Variants in CACNB4 observed in about 807,000 individuals in gnomAD.
CACNB4 encodes the protein calcium voltage-gated channel auxiliary subunit beta 4.
In CACNB4, 32 loss-of-function variants were observed where a neutral mutation model predicts 71.2. The ratio of observed to expected loss-of-function variants is 0.45; its 90% CI spans 0.34 to 0.60. The LOEUF is 0.60. Among genes scored for constraint, CACNB4 ranks in the 20% least tolerant of loss-of-function variants. The probability of loss-of-function intolerance (pLI) is 0.01; values close to 1 mark genes in which losing one functional copy is unlikely to be tolerated. For missense variants in CACNB4, 464 were observed against 647.9 expected, an observed-to-expected ratio of 0.72 and a Z score of 3.08; for synonymous variants, 231 against 236.9, an observed-to-expected ratio of 0.97 and a Z score of 0.23.
intron 2 of CACNB4, among the ~76,000 whole-genome samples, chr2:152,021,494 A>G (rs1275982432): frequency 6.6e-6 from 1 of 152,218 alleles, no homozygotes; most frequent in East Asian, 1.9e-4. Flanking sequence ...ATCTCTTAAC[A>G]TTTGATTTGC....
At chr2:151,927,833 G>C (rs779784909) in intron 2 of CACNB4, among the ~76,000 whole-genome samples, 11 of 152,244 alleles carry the variant, frequency 7.2e-5, no homozygotes, top group Non-Finnish European at 1.2e-4. Context: ...AAAATAAAAA[G>C]CTCTGGCACA....
chr2:151,934,604 C>T (rs948563290), intron 2 of CACNB4, among the ~76,000 whole-genome samples: 1 of 152,072 alleles, frequency 6.6e-6, no homozygotes, highest in Admixed American at 6.5e-5. Context: ...TTTGGGAGGC[C>T]GAGGTGGGCG....
At chr2:151,989,115 G>A (rs1239345483) in intron 2 of CACNB4, among the ~76,000 whole-genome samples, 1 of 152,148 alleles carries the variant, frequency 6.6e-6, no homozygotes, top group Non-Finnish European at 1.5e-5. Flanking sequence ...ACCTGTGTTT[G>A]GAATCCCAAT....
chr2:152,098,283 C>A lies in CACNB4; in HGVS notation c.147+47G>T, dbSNP rs1416862182. 1 of 1,496,664 alleles carries A rather than the reference C, an allele frequency of 6.7e-7. No individual in the cohort carries two copies. Among genetic ancestry groups the A allele is most frequent in the Non-Finnish European group, 9.3e-7 (1 of 1,074,242 alleles). 92.7% of individuals were successfully genotyped at this position (1,496,664 alleles called of 1,614,324 possible). On this transcript the variant is annotated intron_variant, in intron 2 of 13. Transcript: ENST00000539935. The surrounding 1 kb of genome is among the most constrained non-coding windows in gnomAD (Gnocchi z 5.3). ...GGCCGGCTCCAGGACCCCCGCGCCG[C>A]GCGCTCGGCCTCCTCCCCATCCTGG...
chr2:152,029,276 C>T lies in CACNB4; in HGVS notation c.147+69054G>A, dbSNP rs569032514. Among the ~76,000 whole-genome samples, 37 of 151,812 alleles carry T rather than the reference C, an allele frequency of 2.4e-4. No homozygotes were observed. The East Asian group carries it at 6.2e-3, about 26-fold the overall frequency. On this transcript the variant is annotated intron_variant, in intron 2 of 13. Coordinates refer to ENST00000539935, the MANE Select transcript of CACNB4 (RefSeq NM_000726.5). The stretch of plus-strand genomic sequence containing the variant: ...TTGGGAGGCTGAGGTGGGCGGATCA[C>T]GAGGTCAGGAGTTCGAGACCAGCCT...
chr2:151,888,103 T>A (rs1371003910), intron 2 of CACNB4, among the ~76,000 whole-genome samples: 3 of 152,240 alleles, frequency 2.0e-5, no homozygotes, highest in African/African-American at 7.2e-5. Context: ...ACCTTGTGCC[T>A]ATTTGCAGCC....
intron 2 of CACNB4, among the ~76,000 whole-genome samples, chr2:151,927,693 T>G (rs1443366537): frequency 6.6e-6 from 1 of 152,250 alleles, no homozygotes; most frequent in Non-Finnish European, 1.5e-5. Context: ...AATTGCGTGC[T>G]TCACCCAAGT....
At chr2:152,007,312 T>C (rs1682786117) in intron 2 of CACNB4, among the ~76,000 whole-genome samples, 1 of 152,202 alleles carries the variant, frequency 6.6e-6, no homozygotes, top group African/African-American at 2.4e-5. Flanking sequence ...CTCTAGAACT[T>C]TTCCATCTTC....
At chr2:152,083,033 C>T (rs7600282) in intron 2 of CACNB4, among the ~76,000 whole-genome samples, 82,456 of 151,974 alleles carry the variant, frequency 0.54, 23,084 homozygotes, top group East Asian at 0.85. Context: ...GAAGTTCCCA[C>T]GATCCTGCCT....
chr2:151,904,825 G>A (rs980902916), intron 2 of CACNB4, among the ~76,000 whole-genome samples: 9 of 152,140 alleles, frequency 5.9e-5, no homozygotes, highest in African/African-American at 1.9e-4. Context: ...AGGAGTTACC[G>A]CGCCCAGCTG....
At chr2:151,936,958 G>A (rs1254715035) in intron 2 of CACNB4, among the ~76,000 whole-genome samples, 1 of 152,170 alleles carries the variant, frequency 6.6e-6, no homozygotes, top group Non-Finnish European at 1.5e-5. Context: ...TTGATTTATG[G>A]TGGCCATTAC....
At chr2:151,869,791 C>T (rs75995508) in intron 8 of CACNB4, 9,230 of 180,712 alleles carry the variant, frequency 0.051, 319 homozygotes, top group South Asian at 0.074. Flanking sequence ...TTAGATCTGC[C>T]TGAAAGCGAT....
intron 2 of CACNB4, among the ~76,000 whole-genome samples, chr2:152,068,032 T>G (rs537790258): frequency 1.3e-5 from 2 of 152,160 alleles, no homozygotes; most frequent in African/African-American, 2.4e-5. Context: ...CCTGCAGCCA[T>G]GGGGCTGAAA....
At chr2:152,030,516 T>C (rs917869976) in intron 2 of CACNB4, among the ~76,000 whole-genome samples, 12 of 152,258 alleles carry the variant, frequency 7.9e-5, no homozygotes, top group Admixed American at 4.6e-4. Context: ...ACGTGCAGGT[T>C]TGTTACATAT....
chr2:151,945,732 G>A (rs2151645071), intron 2 of CACNB4, among the ~76,000 whole-genome samples: 1 of 152,160 alleles, frequency 6.6e-6, no homozygotes, highest in African/African-American at 2.4e-5. Context: ...GAACAAATGA[G>A]TTAATATATG....
At chr2:151,918,911 G>C (rs1410445462) in intron 2 of CACNB4, among the ~76,000 whole-genome samples, 1 of 152,154 alleles carries the variant, frequency 6.6e-6, no homozygotes, top group Non-Finnish European at 1.5e-5. Flanking sequence ...CATTTGTATA[G>C]TACAAATTTG....
chr2:152,094,174 G>C (rs1267024234), intron 2 of CACNB4, among the ~76,000 whole-genome samples: 1 of 152,234 alleles, frequency 6.6e-6, no homozygotes, highest in African/African-American at 2.4e-5. Flanking sequence ...GGAGCCCCTT[G>C]TTGGGGAACT....
chr2:152,027,118 G>C (rs761058979), intron 2 of CACNB4, among the ~76,000 whole-genome samples: 1 of 152,090 alleles, frequency 6.6e-6, no homozygotes, highest in Non-Finnish European at 1.5e-5. Flanking sequence ...GGCCAGGCTG[G>C]TCTCAAACTC....
At chr2:151,858,963 C>T (rs1359614528) in intron 10 of CACNB4, 1 of 152,196 alleles carries the variant, frequency 6.6e-6, no homozygotes, top group Non-Finnish European at 1.5e-5. Context: ...TCTTCTGTCT[C>T]TTTGCCCATG....
Sources: gnomAD v4.1 joint callset for allele counts (sites outside exome capture counted in the v4.1 genomes callset) on GRCh38, gnomAD v4.1.1 for gene constraint, Gnocchi (gnomAD v3.1) non-coding constraint, MANE v1.5 for transcripts, NCBI Gene and HGNC (gene_info 2026-07-23, HGNC 2026-07-21) for gene names.